Variants in AADACL2 observed in about 807,000 individuals in gnomAD.
AADACL2 encodes arylacetamide deacetylase-like 2.
In AADACL2, 23 loss-of-function variants were observed where a neutral mutation model predicts 22.3. The observed-to-expected ratio is 1.03, with a 90% CI of 0.74 to 1.46. AADACL2 has a LOEUF of 1.46. Among genes scored for constraint, AADACL2 ranks in the 40% most tolerant of loss-of-function variants. The probability of loss-of-function intolerance (pLI) is 0.00; values close to 1 mark genes in which losing one functional copy is unlikely to be tolerated. For synonymous variants in AADACL2, 177 were observed against 166.2 expected (o/e 1.07, Z -0.50); for missense variants, 472 against 482.9 (o/e 0.98, Z 0.21).
At position 151,757,715 on chromosome 3, in the gene AADACL2, AGTT is replaced by A; in HGVS notation, c.*122_*124del. 1 of 1,260,388 alleles carries A rather than the reference AGTT, an allele frequency of 7.9e-7. No homozygotes were observed. The highest frequency in any genetic ancestry group is 1.1e-6 in the Non-Finnish European group (1 of 920,000). The allele number at this position is 1,260,388 out of a possible 1,614,324, so 78.1% of individuals were successfully genotyped here. ...AATCTACATTTGCAACATTTGTAGCAGTTAATGTGTGTCCTTGAAGAGTTATTA... is the reference window on the plus strand; with the variant it reads ...AATCTACATTTGCAACATTTGTAGCAAATGTGTGTCCTTGAAGAGTTATTA... On this transcript the variant is annotated 3_prime_UTR_variant, in exon 5 of 5. Transcript: ENST00000356517.
At chr3:151,752,302 C>A (rs1028586920) in intron 4 of AADACL2, among the ~76,000 whole-genome samples, 32 of 152,256 alleles carry the variant, frequency 2.1e-4, no homozygotes, top group African/African-American at 7.7e-4. Flanking sequence ...AAAAATGACT[C>A]ATCTGTTTCA....
intron 2 of AADACL2, among the ~76,000 whole-genome samples, chr3:151,742,187 C>T (rs114484180): frequency 0.012 from 1,796 of 152,194 alleles, 16 homozygotes; most frequent in Admixed American, 0.031. Flanking sequence ...GCTTTGAGAA[C>T]CAAGAAATAT....
chr3:151,748,123 T>A (rs1229352494), intron 4 of AADACL2, among the ~76,000 whole-genome samples: 1 of 152,166 alleles, frequency 6.6e-6, no homozygotes, highest in Non-Finnish European at 1.5e-5. Context: ...TTTGAGGCAA[T>A]CCCATATATC....
At chr3:151,745,776 A>G (rs1175027560) in intron 4 of AADACL2, 96 bp downstream of exon 4, 2 of 1,285,204 alleles carry the variant, frequency 1.6e-6, no homozygotes, top group East Asian at 2.4e-5. Context: ...TGTTGAAAAG[A>G]CCATTCTTTC....
At position 151,740,739 on chromosome 3, in the gene AADACL2, T is replaced by C. The variant is rs542534995; in HGVS notation, c.232T>C (p.Tyr78His). The C allele has an allele frequency of 3.6e-5, 58 of 1,613,954 alleles. No individual in the cohort carries two copies. The African/African-American group carries it at 6.5e-4, about 18-fold the overall frequency. Residue 78 changes from tyrosine (Y) to histidine (H), a missense_variant, in exon 2 of 5, where the codon TAC (tyrosine) becomes CAC (histidine). Tyr to His is a moderately conservative substitution (Grantham distance 83). This residue lies in a region of AADACL2 where 356 missense variants were observed against 365.5 expected (regional missense o/e 0.97). Coordinates refer to ENST00000356517, the MANE Select transcript of AADACL2 (RefSeq NM_207365.4). ...TTATACCCAACCACTTTCAGATGAA[T>C]ACATCACAGTGACTGATACAACATT... is the stretch of plus-strand genomic sequence containing the variant. ...LDYTQPLSDEYITVTDTTFVD... is the reference protein window; with the variant it reads ...LDYTQPLSDEHITVTDTTFVD...
chr3:151,746,746 T>C (rs1483110385), intron 4 of AADACL2, among the ~76,000 whole-genome samples: 1 of 152,176 alleles, frequency 6.6e-6, no homozygotes, highest in East Asian at 1.9e-4. Flanking sequence ...TTATGCCAAT[T>C]GACTTTTAAA....
chr3:151,745,542 TC>T lies in AADACL2; in HGVS notation c.466del (p.Gln156SerfsTer39). 2 of 1,613,866 alleles carry T rather than the reference TC, an allele frequency of 1.2e-6. No individual in the cohort carries two copies. The highest frequency in any genetic ancestry group is 1.7e-6 in the Non-Finnish European group (2 of 1,179,856). On this transcript the variant is annotated frameshift_variant, in exon 4 of 5. Transcript: ENST00000356517. LOFTEE classifies it high-confidence loss of function. The part of the protein sequence containing the change: ...RLAPQHHFPA[Q>X]FEDGLAAVKF... ...TGGCTCCTCAACACCACTTTCCTGC[TC>T]AGTTTGAAGATGGCCTTGCTGCAGT... is the stretch of plus-strand genomic sequence containing the variant.
chr3:151,738,195 G>T (rs1713157778), intron 1 of AADACL2, among the ~76,000 whole-genome samples: 1 of 152,060 alleles, frequency 6.6e-6, no homozygotes. Flanking sequence ...GCCTGGTGGT[G>T]ACAAAATCCC....
Sources: gnomAD v4.1 joint callset for allele counts (sites outside exome capture counted in the v4.1 genomes callset) on GRCh38, gnomAD v4.1.1 for gene constraint, gnomAD v4.1.1 regional missense constraint, MANE v1.5 for transcripts, NCBI Gene and HGNC (gene_info 2026-07-23, HGNC 2026-07-21) for gene names.